HECW1: variants seen among roughly 807,000 people sequenced by gnomAD.
HECW1 encodes the protein HECT, C2 and WW domain containing E3 ubiquitin protein ligase 1, also known as E3 ubiquitin-protein ligase HECW1.
A neutral mutation model predicts 182.3 loss-of-function variants in HECW1; 61 were observed. The observed-to-expected ratio is 0.33, with a 90% CI of 0.27 to 0.41. The LOEUF (loss-of-function observed/expected upper bound fraction) is 0.41. Ranked by LOEUF, HECW1 falls within the 10% of genes least tolerant of loss-of-function variation. HECW1 has a pLI of 1.00. For missense variants in HECW1, 1,739 were observed against 2,108.9 expected (o/e 0.82, Z 3.44); for synonymous variants, 859 against 832.6 (o/e 1.03, Z -0.55).
At chr7:43,442,405 C>T (rs2076916687) in intron 9 of HECW1, 124 bp from the exon 10 acceptor site, 7 of 651,350 alleles carry the variant, frequency 1.1e-5, no homozygotes, top group Non-Finnish European at 2.0e-5. Flanking sequence ...TTTTGTATTG[C>T]TGTTGAGCAC....
intron 3 of HECW1, among the ~76,000 whole-genome samples, chr7:43,253,399 C>T (rs1800238865): frequency 6.6e-6 from 1 of 152,200 alleles, no homozygotes. Context: ...CATTTACACA[C>T]TCACTGAATA....
chr7:43,421,247 A>G (rs2076173302), intron 8 of HECW1, among the ~76,000 whole-genome samples: 1 of 152,248 alleles, frequency 6.6e-6, no homozygotes. Context: ...ACAGAAAAGA[A>G]AGAAACCTTG....
intron 19 of HECW1, among the ~76,000 whole-genome samples, chr7:43,497,818 A>T (rs1257451915): frequency 3.3e-5 from 5 of 152,292 alleles, no homozygotes; most frequent in African/African-American, 1.2e-4. Flanking sequence ...GGATAATGGC[A>T]TCATTTACTG....
intron 2 of HECW1, among the ~76,000 whole-genome samples, chr7:43,162,533 A>G (rs140366925): frequency 6.8e-4 from 103 of 152,346 alleles, no homozygotes; most frequent in African/African-American, 2.3e-3. Flanking sequence ...TCCAGGATGA[A>G]CTTTTATCTC....
At chr7:43,508,640 T>C (rs1375339685) in intron 23 of HECW1, 2 of 325,322 alleles carry the variant, frequency 6.1e-6, no homozygotes, top group Admixed American at 4.6e-5. Context: ...AATTCTTTTA[T>C]GTGTCCCACA....
Position 43,559,312 on chromosome 7 carries a change from T to A in HECW1, c.4710-2503T>A, listed in dbSNP as rs147570364. On this transcript the variant is annotated intron_variant, in intron 29 of 29. Coordinates refer to ENST00000395891, the MANE Select transcript of HECW1 (RefSeq NM_015052.5). ...GACACAACTTAAAGACCCGTGCAGA[T>A]CTCCAAAACATCCATCGCACCAAGT... Among the ~76,000 whole-genome samples, 658 of 152,206 alleles carry A rather than the reference T, an allele frequency of 4.3e-3. 5 individuals are homozygous for A. Among genetic ancestry groups the A allele is most frequent in the African/African-American group, 0.015 (625 of 41,520 alleles).
intron 3 of HECW1, among the ~76,000 whole-genome samples, chr7:43,256,608 T>TC (rs1800604870): frequency 1.1e-5 from 1 of 88,316 alleles, no homozygotes; most frequent in Non-Finnish European, 2.2e-5. Flanking sequence ...AAACTTCATC[T>TC]CAAAAAAAAA....
intron 2 of HECW1, among the ~76,000 whole-genome samples, chr7:43,195,310 A>G (rs904242605): frequency 1.4e-4 from 22 of 152,364 alleles, no homozygotes; most frequent in Non-Finnish European, 2.9e-4. Flanking sequence ...GAGGTCGCAC[A>G]GTCTGGGAGG....
At chr7:43,197,868 T>C (rs1794614069) in intron 2 of HECW1, among the ~76,000 whole-genome samples, 1 of 151,880 alleles carries the variant, frequency 6.6e-6, no homozygotes. Context: ...CAGCACAGGG[T>C]TCCCAGTGAA....
intron 2 of HECW1, among the ~76,000 whole-genome samples, chr7:43,149,928 A>C (rs1789117806): frequency 6.6e-6 from 1 of 152,272 alleles, no homozygotes; most frequent in East Asian, 1.9e-4. Context: ...GAATTACTGT[A>C]GTGGTCATAG....
rs140104497 is a variant in HECW1 at position 43,455,019 on chromosome 7, G to A, written c.2501-1278G>A. Among the ~76,000 whole-genome samples the A allele has an allele frequency of 3.4e-3, 512 of 152,184 alleles. 5 individuals are homozygous for A. Among genetic ancestry groups the A allele is most frequent in the African/African-American group, 0.012 (495 of 41,488 alleles). On this transcript the variant is annotated intron_variant, in intron 12 of 29. Transcript: ENST00000395891. ...AGCAGGCATTGCTCTTCTATGTTTC[G>A]CTCAGACGTGAACACATTGCTTCCA...
chr7:43,450,622 T>A (rs1192632162), intron 11 of HECW1, among the ~76,000 whole-genome samples: 1 of 152,244 alleles, frequency 6.6e-6, no homozygotes, highest in African/African-American at 2.4e-5. Context: ...TCATTAGTTA[T>A]GAAGTGTTTT....
intron 3 of HECW1, among the ~76,000 whole-genome samples, chr7:43,286,710 C>T (rs758108417): frequency 7.9e-5 from 12 of 151,952 alleles, no homozygotes; most frequent in Non-Finnish European, 1.8e-4. Flanking sequence ...AGGGATATCA[C>T]CAACCAAGGC....
intron 26 of HECW1, among the ~76,000 whole-genome samples, chr7:43,545,863 G>A: frequency 6.6e-6 from 1 of 152,078 alleles, no homozygotes; most frequent in East Asian, 1.9e-4. Flanking sequence ...GGCACACTTG[G>A]TGTAACTTTA....
intron 5 of HECW1, among the ~76,000 whole-genome samples, chr7:43,336,144 T>TCTCTCTTTCTCTCTC (rs1812211759): frequency 1.9e-5 from 1 of 51,924 alleles, no homozygotes; most frequent in African/African-American, 7.1e-5. Context: ...CTCTCTCTCT[T>TCTCTCTTTCTCTCTC]TCTCTCTCTC....
At chr7:43,339,678 C>T (rs1334915796) in intron 5 of HECW1, among the ~76,000 whole-genome samples, 1 of 152,120 alleles carries the variant, frequency 6.6e-6, no homozygotes, top group Non-Finnish European at 1.5e-5. Flanking sequence ...GACATCTTCT[C>T]CCAAAGAGGG....
chr7:43,257,793 G>A (rs551456843), intron 3 of HECW1, among the ~76,000 whole-genome samples: 3 of 152,092 alleles, frequency 2.0e-5, no homozygotes, highest in African/African-American at 7.2e-5. Flanking sequence ...TAGATGACTT[G>A]AGGCAAGTTA....
intron 7 of HECW1, 59 bp downstream of exon 7, chr7:43,396,948 G>A: frequency 8.3e-7 from 1 of 1,210,108 alleles, no homozygotes; most frequent in South Asian, 1.2e-5. Flanking sequence ...CAAGAGTGAA[G>A]ACACTCACTT....
At chr7:43,402,665 A>G (rs957223903) in intron 7 of HECW1, among the ~76,000 whole-genome samples, 1 of 152,236 alleles carries the variant, frequency 6.6e-6, no homozygotes, top group Admixed American at 6.5e-5. Flanking sequence ...ATTGCAATAT[A>G]AAAAGACTGA....
Sources: allele counts gnomAD v4.1 joint callset (sites outside exome capture counted in the v4.1 genomes callset), GRCh38; gene constraint gnomAD v4.1.1; transcripts MANE v1.5; gene names NCBI Gene and HGNC (gene_info 2026-07-23, HGNC 2026-07-21).